Variants in SLC9D1 observed in about 807,000 individuals in gnomAD.
SLC9D1 encodes the protein putative LAG1-interacting protein.
At chr13:113,498,692 T>C in the SLC9D1 span, 2 of 538,654 alleles carry the variant, frequency 3.7e-6, no homozygotes, top group Non-Finnish European at 6.3e-6. Context: ...AGTAAGCTAA[T>C]TATCTTTTAT....
the SLC9D1 span, among the ~76,000 whole-genome samples, chr13:113,539,985 C>A: frequency 2.6e-5 from 4 of 152,186 alleles, no homozygotes; most frequent in African/African-American, 9.7e-5. The surrounding 1 kb of genome is among the most constrained non-coding windows in gnomAD (Gnocchi z 4.8). Context: ...GTGCTCTGTT[C>A]TGGTGTTAAT....
the SLC9D1 span, among the ~76,000 whole-genome samples, chr13:113,497,758 T>G: frequency 6.6e-6 from 1 of 152,262 alleles, no homozygotes; most frequent in Non-Finnish European, 1.5e-5. Context: ...TCTGGTCCTC[T>G]CTGCTCTGGC....
At chr13:113,533,818 CCA>C in the SLC9D1 span, among the ~76,000 whole-genome samples, 1 of 152,220 alleles carries the variant, frequency 6.6e-6, no homozygotes, top group African/African-American at 2.4e-5. Context: ...CGCATTCACC[CCA>C]GAGTATTGAC....
the SLC9D1 span, chr13:113,520,402 T>G: frequency 2.6e-6 from 1 of 378,702 alleles, no homozygotes; most frequent in Non-Finnish European, 4.8e-6. Flanking sequence ...GAGAATCACT[T>G]GAACCCGGGA....
At chr13:113,505,381 A>C in the SLC9D1 span, 1 of 152,222 alleles carries the variant, frequency 6.6e-6, no homozygotes, top group Non-Finnish European at 1.5e-5. Context: ...GTTTTTAAAA[A>C]ATTTACCCAC....
the SLC9D1 span, among the ~76,000 whole-genome samples, chr13:113,541,509 C>T: frequency 8.5e-5 from 11 of 129,860 alleles, no homozygotes; most frequent in Non-Finnish European, 1.4e-4. Context: ...GTGGATGATA[C>T]GCACACGATT....
chr13:113,518,743 A>G, the SLC9D1 span, among the ~76,000 whole-genome samples: 2 of 152,192 alleles, frequency 1.3e-5, no homozygotes, highest in African/African-American at 4.8e-5. Flanking sequence ...GGACAATATT[A>G]GTTGGGAGGC....
At chr13:113,516,910 T>C in the SLC9D1 span, among the ~76,000 whole-genome samples, 1 of 152,154 alleles carries the variant, frequency 6.6e-6, no homozygotes, top group Admixed American at 6.5e-5. Context: ...GTGATGAGCT[T>C]CTTAGGCTTC....
chr13:113,510,261 G>A, the SLC9D1 span: 1 of 1,614,116 alleles, frequency 6.2e-7, no homozygotes, highest in Non-Finnish European at 8.5e-7. Context: ...CCTTACAAGG[G>A]CCGTGTTACA....
chr13:113,497,466 G>A, the SLC9D1 span, among the ~76,000 whole-genome samples: 1 of 148,260 alleles, frequency 6.7e-6, no homozygotes, highest in African/African-American at 2.5e-5. Context: ...TATGAGACCT[G>A]CAGCTGTGTG....
At chr13:113,541,556 G>A in the SLC9D1 span, among the ~76,000 whole-genome samples, 1 of 134,070 alleles carries the variant, frequency 7.5e-6, no homozygotes, top group Non-Finnish European at 1.6e-5. Context: ...GCTGAGTTGT[G>A]TGGGTGCCAT....
the SLC9D1 span, among the ~76,000 whole-genome samples, chr13:113,494,029 A>G: frequency 6.6e-6 from 1 of 152,208 alleles, no homozygotes; most frequent in Non-Finnish European, 1.5e-5. Context: ...GATTAAACCA[A>G]TTAGAATTTG....
chr13:113,510,095 A>G, the SLC9D1 span: 119,786 of 720,056 alleles, frequency 0.17, 11,781 homozygotes, highest in African/African-American at 0.36. Context: ...AGGATTCACC[A>G]TGTTCAGATG....
the SLC9D1 span, among the ~76,000 whole-genome samples, chr13:113,531,522 G>A: frequency 1.5e-4 from 23 of 151,168 alleles, no homozygotes; most frequent in Admixed American, 7.9e-4. Context: ...ACGGCGCCCC[G>A]TACGTGCAGA....
chr13:113,541,412 C>G, the SLC9D1 span, among the ~76,000 whole-genome samples: 1 of 146,672 alleles, frequency 6.8e-6, no homozygotes, highest in Non-Finnish European at 1.5e-5. Flanking sequence ...GATCGCTGAT[C>G]ACTGCCATGC....
the SLC9D1 span, among the ~76,000 whole-genome samples, chr13:113,509,564 C>T: frequency 6.6e-6 from 1 of 152,142 alleles, no homozygotes; most frequent in Non-Finnish European, 1.5e-5. Flanking sequence ...CTTCTAGGGC[C>T]CCCACCCCAA....
the SLC9D1 span, among the ~76,000 whole-genome samples, chr13:113,491,810 C>T: frequency 6.6e-6 from 1 of 152,248 alleles, no homozygotes; most frequent in Non-Finnish European, 1.5e-5. Flanking sequence ...GTGTCCATGA[C>T]CCAGGGTGTG....
the SLC9D1 span, among the ~76,000 whole-genome samples, chr13:113,508,341 G>C: frequency 6.6e-6 from 1 of 152,220 alleles, no homozygotes; most frequent in African/African-American, 2.4e-5. Context: ...AATTAGAGCT[G>C]GCTAACACTG....
the SLC9D1 span, among the ~76,000 whole-genome samples, chr13:113,532,693 C>G: frequency 6.6e-6 from 1 of 152,122 alleles, no homozygotes; most frequent in African/African-American, 2.4e-5. Flanking sequence ...AGTCTGTCTC[C>G]GTTCCTGCCA....
Sources: allele counts gnomAD v4.1 joint callset (sites outside exome capture counted in the v4.1 genomes callset), GRCh38; gene constraint gnomAD v4.1.1; non-coding constraint Gnocchi (gnomAD v3.1); transcripts MANE v1.5; gene names NCBI Gene and HGNC (gene_info 2026-07-23, HGNC 2026-07-21).